AFF1: variants seen among roughly 807,000 people sequenced by gnomAD.
The protein encoded by AFF1 is ALF transcription elongation factor 1.
A neutral mutation model predicts 121.7 loss-of-function variants in AFF1; 48 were observed. That is an observed-to-expected ratio of 0.39 (90% CI 0.31 to 0.50). The LOEUF is 0.50. Ranked by LOEUF, AFF1 falls within the 20% of genes least tolerant of loss-of-function variation. The probability of loss-of-function intolerance (pLI) is 0.76; values close to 1 mark genes in which losing one functional copy is unlikely to be tolerated. For missense variants in AFF1, 1,523 were observed against 1,511.7 expected (o/e 1.01, Z -0.12); for synonymous variants, 613 against 563.0 (o/e 1.09, Z -1.26).
intron 4 of AFF1, among the ~76,000 whole-genome samples, chr4:87,048,253 A>C (rs539923497): frequency 1.3e-5 from 2 of 152,356 alleles, no homozygotes. Context: ...AGAGTGAGTC[A>C]CAAATATAAT....
intron 2 of AFF1, among the ~76,000 whole-genome samples, chr4:87,014,169 T>G (rs1463206011): frequency 6.6e-6 from 1 of 152,156 alleles, no homozygotes; most frequent in African/African-American, 2.4e-5. Context: ...TCCCAGTGTT[T>G]GATCATACAG....
intron 1 of AFF1, among the ~76,000 whole-genome samples, chr4:86,936,880 A>T (rs925920495): frequency 1.3e-5 from 2 of 152,248 alleles, no homozygotes; most frequent in African/African-American, 4.8e-5. Flanking sequence ...AGAGAAAGCA[A>T]CAAAATACAT....
chr4:87,085,332 G>A (rs1313889413), intron 5 of AFF1, among the ~76,000 whole-genome samples: 1 of 151,958 alleles, frequency 6.6e-6, no homozygotes, highest in Non-Finnish European at 1.5e-5. Context: ...TGTAAAAACT[G>A]AGGGTTTTGT....
chr4:86,948,360 T>C, intron 1 of AFF1, 138 bp from the exon 2 acceptor site: 1 of 564,116 alleles, frequency 1.8e-6, no homozygotes, highest in East Asian at 2.9e-5. Flanking sequence ...TTCATACAAC[T>C]TGGGAATTGG....
chr4:87,093,871 C>CTA (rs1474982101), intron 7 of AFF1, among the ~76,000 whole-genome samples: 1 of 152,160 alleles, frequency 6.6e-6, no homozygotes, highest in Admixed American at 6.5e-5. Flanking sequence ...TACCTCATGT[C>CTA]TAGACAAATG....
intron 2 of AFF1, among the ~76,000 whole-genome samples, chr4:86,950,290 TGCCTCA>T (rs1302648469): frequency 3.3e-5 from 5 of 152,166 alleles, no homozygotes; most frequent in African/African-American, 1.2e-4. Flanking sequence ...GGGATTCCCC[TGCCTCA>T]GCCTCCCAAT....
chr4:86,969,640 G>T (rs1380886216), intron 2 of AFF1, among the ~76,000 whole-genome samples: 12 of 151,090 alleles, frequency 7.9e-5, no homozygotes, highest in African/African-American at 2.9e-4. Context: ...CAGCACTTAG[G>T]GAGGCCGAGG....
chr4:86,997,761 C>CAAA (rs11368694), intron 2 of AFF1, among the ~76,000 whole-genome samples: 12 of 131,820 alleles, frequency 9.1e-5, no homozygotes, highest in Admixed American at 3.1e-4. Context: ...GACTCCATCT[C>CAAA]AAAAAAAAAA....
intron 2 of AFF1, chr4:87,007,241 G>A (rs959292356): frequency 6.7e-7 from 1 of 1,482,738 alleles, no homozygotes; most frequent in African/African-American, 1.4e-5. Flanking sequence ...CCGGGGCTGC[G>A]CCGAGGACGC....
intron 2 of AFF1, among the ~76,000 whole-genome samples, chr4:86,994,126 C>G (rs1411893258): frequency 6.6e-6 from 1 of 152,244 alleles, no homozygotes; most frequent in Non-Finnish European, 1.5e-5. Flanking sequence ...TCTAACTCAA[C>G]TGCACACTAA....
intron 2 of AFF1, among the ~76,000 whole-genome samples, chr4:86,999,217 G>A (rs1725497070): frequency 6.6e-6 from 1 of 152,202 alleles, no homozygotes; most frequent in African/African-American, 2.4e-5. Flanking sequence ...AATATGGAAT[G>A]TTTTAGTTTT....
chr4:87,085,929 G>C (rs749443264), intron 5 of AFF1, among the ~76,000 whole-genome samples: 1 of 152,028 alleles, frequency 6.6e-6, no homozygotes, highest in African/African-American at 2.4e-5. Context: ...AGTAGAGACG[G>C]TGTTTCACCA....
chr4:87,102,282 T>A lies in AFF1; in HGVS notation c.1284-3346T>A, dbSNP rs1725506912. 2.0e-5 allele frequency among the ~76,000 whole-genome samples: 3 copies of A among 152,238 alleles called. No individual in the cohort carries two copies. In the South Asian group the frequency reaches 6.2e-4, roughly 32 times the overall value. ...ACTTGGCATTTGGAAATGAAACTTGTTATTTGACCAGTTAAAGTATATAAG... is the reference window on the plus strand; with the variant it reads ...ACTTGGCATTTGGAAATGAAACTTGATATTTGACCAGTTAAAGTATATAAG... On this transcript the variant is annotated intron_variant, in intron 8 of 20. Transcript: ENST00000395146.
At chr4:87,081,397 C>T (rs986163630) in intron 4 of AFF1, among the ~76,000 whole-genome samples, 11 of 152,082 alleles carry the variant, frequency 7.2e-5, no homozygotes, top group Non-Finnish European at 1.5e-4. Context: ...CTCTTGACCT[C>T]CTGATCCACC....
chr4:87,119,085 C>T (rs1727412306), intron 12 of AFF1, among the ~76,000 whole-genome samples: 1 of 152,004 alleles, frequency 6.6e-6, no homozygotes, highest in African/African-American at 2.4e-5. Context: ...GGTGGGTGGG[C>T]CTTAGGTTCC....
intron 2 of AFF1, among the ~76,000 whole-genome samples, chr4:86,981,147 G>T (rs1311090579): frequency 6.6e-6 from 1 of 151,800 alleles, no homozygotes; most frequent in Non-Finnish European, 1.5e-5. Context: ...TGAGTAGCTG[G>T]GACCACAGGT....
In AFF1 at chr4:87,110,165, C is replaced by A. The variant is rs557273456; in HGVS notation, c.1533+1850C>A. ...AATTTTCACTCTTAACTTTCTCACT[C>A]CTTTTTTTTATTTTTTTTTAACTTT... On this transcript the variant is annotated intron_variant, in intron 11 of 20. Transcript: ENST00000395146. Among the ~76,000 whole-genome samples the A allele has an allele frequency of 3.3e-5, 5 of 151,476 alleles. No individual in the cohort carries two copies. In the East Asian group the frequency reaches 9.7e-4, roughly 29 times the overall value.
rs201933604 is a variant in AFF1, at chr4:87,046,837, T to C, written c.302T>C (p.Leu101Ser). The C allele has an allele frequency of 9.5e-5, 154 of 1,614,130 alleles. No individual in the cohort carries two copies. The highest frequency in any genetic ancestry group is 1.6e-4 in the Middle Eastern group (1 of 6,084). Residue 101 changes from leucine (L) to serine (S), a missense_variant, in exon 4 of 21, where the codon TTA becomes TCA. Transcript: ENST00000395146. ...AGGTTGGGAAAGCCGAAATATCCTT[T>C]AATTCCTGACAAAGGGAGCAGCATT... The part of the protein sequence containing the change: ...ENRLGKPKYP[L>S]IPDKGSSIPS...
intron 4 of AFF1, among the ~76,000 whole-genome samples, chr4:87,068,163 T>C (rs181891454): frequency 2.2e-5 from 1 of 45,608 alleles, no homozygotes; most frequent in Non-Finnish European, 4.1e-5. Context: ...AGTTTTAAAA[T>C]TCCCATTGCC....
Sources: gnomAD v4.1 joint callset for allele counts (sites outside exome capture counted in the v4.1 genomes callset) on GRCh38, gnomAD v4.1.1 for gene constraint, MANE v1.5 for transcripts, NCBI Gene and HGNC (gene_info 2026-07-23, HGNC 2026-07-21) for gene names.